DGKB: variants seen among roughly 807,000 people sequenced by gnomAD.
DGKB encodes the protein diacylglycerol kinase beta.
A neutral mutation model predicts 114.3 loss-of-function variants in DGKB; 67 were observed. That is an observed-to-expected ratio of 0.59 (90% CI 0.48 to 0.72). The LOEUF (loss-of-function observed/expected upper bound fraction) is 0.72, where lower values mean the gene tolerates loss of function less well. DGKB is among the 30% of genes least tolerant of loss of function. The pLI is 0.00. For synonymous variants in DGKB, 398 were observed against 323.1 expected (o/e 1.23, Z -2.49); for missense variants, 907 against 975.2 (o/e 0.93, Z 0.93).
intron 1 of DGKB, among the ~76,000 whole-genome samples, chr7:14,861,168 T>C (rs1011300115): frequency 3.0e-4 from 45 of 151,984 alleles, no homozygotes; most frequent in African/African-American, 1.0e-3. Flanking sequence ...ATACTTGGTA[T>C]ATAATTCATA....
At position 14,178,846 on chromosome 7, in the gene DGKB, C is replaced by A. The variant is rs1201848404; in HGVS notation, c.2123-695G>T. On this transcript the variant is annotated intron_variant, in intron 23 of 25. Transcript: ENST00000402815. ...TTTAGCAGAAGACATTAAAAAGGGG[C>A]TAATAGTTAAGAGTTGTCGCTTGTT... Among the ~76,000 whole-genome samples the A allele has an allele frequency of 1.8e-4, 28 of 151,608 alleles. No homozygotes were observed. The Admixed American group carries it at 1.8e-3, about 10-fold the overall frequency.
At chr7:14,695,799 G>A (rs1823765651) in intron 8 of DGKB, among the ~76,000 whole-genome samples, 1 of 151,832 alleles carries the variant, frequency 6.6e-6, no homozygotes, top group African/African-American at 2.4e-5. Flanking sequence ...GAGCCACCGA[G>A]CCCGGCCCAT....
At chr7:14,155,062 C>T (rs199635690) in intron 25 of DGKB, among the ~76,000 whole-genome samples, 10 of 152,102 alleles carry the variant, frequency 6.6e-5, no homozygotes, top group Middle Eastern at 3.4e-3. Context: ...CGAACAAGAA[C>T]GCCAGATGAT....
intron 25 of DGKB, among the ~76,000 whole-genome samples, chr7:14,160,017 T>C (rs1426315421): frequency 6.6e-6 from 1 of 152,118 alleles, no homozygotes; most frequent in African/African-American, 2.4e-5. Flanking sequence ...GAGTTGTAAA[T>C]TATATTTATG....
chr7:14,849,169 G>A (rs1849019050), intron 1 of DGKB, among the ~76,000 whole-genome samples: 1 of 152,030 alleles, frequency 6.6e-6, no homozygotes, highest in South Asian at 2.1e-4. Context: ...AGCTATTGGA[G>A]ACTAATGCAG....
intron 23 of DGKB, among the ~76,000 whole-genome samples, chr7:14,236,616 CAA>C (rs1792822848): frequency 6.6e-6 from 1 of 151,800 alleles, no homozygotes; most frequent in African/African-American, 2.4e-5. Context: ...CTGAAGGAAA[CAA>C]AGAAAAGTTC....
chr7:14,156,023 CTG>C (rs1263062190), intron 25 of DGKB, among the ~76,000 whole-genome samples: 1 of 152,046 alleles, frequency 6.6e-6, no homozygotes, highest in African/African-American at 2.4e-5. Flanking sequence ...GACTTTGTAA[CTG>C]GGGAATGCTG....
At chr7:14,514,570 A>T (rs564286445) in intron 20 of DGKB, among the ~76,000 whole-genome samples, 1 of 152,228 alleles carries the variant, frequency 6.6e-6, no homozygotes, top group Admixed American at 6.5e-5. Context: ...ACTTAATTAT[A>T]AAACCAGCAT....
rs532056814 is a variant in DGKB, at chr7:14,285,750, G to A, written c.2122+52765C>T. Among the ~76,000 whole-genome samples, 37 of 152,222 alleles carry A rather than the reference G, an allele frequency of 2.4e-4. 1 individual carries two copies. In the South Asian group the frequency reaches 7.5e-3, roughly 31 times the overall value. ...GGTACATCTATGTATGTAGGAAGAT[G>A]TTATATAAATGATTTAGAGAAACAA... On this transcript the variant is annotated intron_variant, in intron 23 of 25. Transcript: ENST00000402815.
At chr7:14,658,952 T>G (rs965343476) in intron 13 of DGKB, among the ~76,000 whole-genome samples, 3 of 151,966 alleles carry the variant, frequency 2.0e-5, no homozygotes, top group Non-Finnish European at 4.4e-5. Context: ...GCGCAGAATG[T>G]GCAGGTTTGT....
At chr7:14,743,540 G>T (rs1302939510) in intron 4 of DGKB, among the ~76,000 whole-genome samples, 3 of 152,062 alleles carry the variant, frequency 2.0e-5, no homozygotes, top group Non-Finnish European at 4.4e-5. Context: ...GCTACAGAGG[G>T]TCCCTAGAGC....
chr7:14,195,857 G>C (rs1214076505), intron 23 of DGKB, among the ~76,000 whole-genome samples: 2 of 152,132 alleles, frequency 1.3e-5, no homozygotes, highest in African/African-American at 4.8e-5. Context: ...TTGCATGTAA[G>C]TCTTACGTGC....
intron 21 of DGKB, among the ~76,000 whole-genome samples, chr7:14,426,073 G>A (rs998796570): frequency 2.0e-5 from 3 of 152,028 alleles, no homozygotes; most frequent in African/African-American, 4.8e-5. Flanking sequence ...TGTGGCTACC[G>A]CTAATAGCTA....
intron 5 of DGKB, among the ~76,000 whole-genome samples, chr7:14,726,315 T>C (rs1830023612): frequency 6.6e-6 from 1 of 151,994 alleles, no homozygotes; most frequent in South Asian, 2.1e-4. Context: ...AATTTTTGTA[T>C]TTTTAGTAGA....
At chr7:14,484,856 T>C (rs895566853) in intron 20 of DGKB, among the ~76,000 whole-genome samples, 6 of 152,252 alleles carry the variant, frequency 3.9e-5, no homozygotes, top group African/African-American at 1.4e-4. Flanking sequence ...CATGATATAA[T>C]GTTATATACA....
At chr7:14,279,942 A>G (rs1193155794) in intron 23 of DGKB, among the ~76,000 whole-genome samples, 3 of 152,142 alleles carry the variant, frequency 2.0e-5, no homozygotes, top group Non-Finnish European at 4.4e-5. Context: ...AAACTCTAAA[A>G]ATCAGAGCGA....
chr7:14,909,808 G>A (rs1183786023), intron 1 of DGKB, among the ~76,000 whole-genome samples: 1 of 152,106 alleles, frequency 6.6e-6, no homozygotes, highest in South Asian at 2.1e-4. Flanking sequence ...CACATAATGT[G>A]TACTTTTACA....
intron 20 of DGKB, among the ~76,000 whole-genome samples, chr7:14,534,870 T>C (rs532800404): frequency 2.6e-5 from 4 of 152,178 alleles, no homozygotes; most frequent in South Asian, 4.1e-4. Context: ...GGAACAAATA[T>C]AGAAATCAAT....
intron 1 of DGKB, among the ~76,000 whole-genome samples, chr7:14,844,573 T>C (rs949052150): frequency 3.9e-5 from 6 of 152,156 alleles, no homozygotes; most frequent in Non-Finnish European, 7.3e-5. Flanking sequence ...AGTATCTTCA[T>C]TGAGTTCCTT....
Sources: gnomAD v4.1 joint callset for allele counts (sites outside exome capture counted in the v4.1 genomes callset) on GRCh38, gnomAD v4.1.1 for gene constraint, MANE v1.5 for transcripts, NCBI Gene and HGNC (gene_info 2026-07-23, HGNC 2026-07-21) for gene names.